Variants in KCNN2 observed in about 807,000 individuals in gnomAD.
The protein encoded by KCNN2 is potassium calcium-activated channel subfamily N member 2.
In KCNN2, 24 loss-of-function variants were observed where a neutral mutation model predicts 55.5. The observed-to-expected ratio is 0.43, with a 90% CI of 0.31 to 0.61. The LOEUF (loss-of-function observed/expected upper bound fraction) is 0.61. Ranked by LOEUF, KCNN2 falls within the 20% of genes least tolerant of loss-of-function variation. KCNN2 has a pLI of 0.08. For missense variants in KCNN2, 754 were observed against 853.6 expected (o/e 0.88, Z 1.45); for synonymous variants, 431 against 336.1 (o/e 1.28, Z -3.09).
chr5:114,154,234 G>A (rs375046505), intron 1 of KCNN2, among the ~76,000 whole-genome samples: 14 of 152,148 alleles, frequency 9.2e-5, no homozygotes, highest in Admixed American at 2.0e-4. Flanking sequence ...TAAAAAGAGA[G>A]CAAAGGGAAA....
chr5:114,378,356 G>C (rs933887228), intron 2 of KCNN2, among the ~76,000 whole-genome samples: 1 of 152,200 alleles, frequency 6.6e-6, no homozygotes, highest in African/African-American at 2.4e-5. Flanking sequence ...AGTTAGAGAA[G>C]TGGATGGTCA....
Position 114,478,381 on chromosome 5 carries a change from C to T in KCNN2, c.1890+5217C>T, listed in dbSNP as rs115651160. On this transcript the variant is annotated intron_variant, in intron 5 of 7. Coordinates refer to ENST00000673685, the MANE Select transcript of KCNN2 (RefSeq NM_021614.4). Reference sequence around the variant, plus strand: ...AATGAAAAAGAGTGAACAAAACCTCCGAGAATATGGGATTATGTAAAGAGA... The same window carrying T: ...AATGAAAAAGAGTGAACAAAACCTCTGAGAATATGGGATTATGTAAAGAGA... 2.8e-3 allele frequency among the ~76,000 whole-genome samples: 424 copies of T among 151,842 alleles called. 1 individual carries two copies. The highest frequency in any genetic ancestry group is 8.5e-3 in the African/African-American group (352 of 41,424).
chr5:114,419,571 C>T (rs915178566), intron 3 of KCNN2, among the ~76,000 whole-genome samples: 1 of 152,196 alleles, frequency 6.6e-6, no homozygotes. Flanking sequence ...ACTTTTGGTA[C>T]CAATGATCAA....
chr5:114,283,860 A>G (rs1045750994), intron 2 of KCNN2, among the ~76,000 whole-genome samples: 1 of 152,188 alleles, frequency 6.6e-6, no homozygotes, highest in Non-Finnish European at 1.5e-5. Flanking sequence ...TCCCTACCAC[A>G]TTAGAGTATA....
chr5:114,251,485 A>G lies in KCNN2; in HGVS notation c.-185+29920A>G, dbSNP rs1452943850. On this transcript the variant is annotated intron_variant, in intron 2 of 10. Coordinates refer to the KCNN2 transcript ENST00000512097. ...TTGTTTTAAGGATTCAGGAAAATAT[A>G]TAGTATGGTCCCTGGCACAAAGCAG... 2.0e-5 allele frequency among the ~76,000 whole-genome samples: 3 copies of G among 152,234 alleles called. No homozygotes were observed. The East Asian group carries it at 5.8e-4, about 29-fold the overall frequency.
chr5:114,392,806 GTTT>G (rs70976343), intron 2 of KCNN2, among the ~76,000 whole-genome samples: 7 of 140,540 alleles, frequency 5.0e-5, no homozygotes, highest in South Asian at 4.5e-4. Context: ...TTTTTGTGGG[GTTT>G]TTTTTTTTTT....
Position 114,376,006 on chromosome 5 carries a change from C to G in KCNN2, c.1218+12005C>G, listed in dbSNP as rs182459696. Among the ~76,000 whole-genome samples, 317 of 100,450 alleles carry G rather than the reference C, an allele frequency of 3.2e-3. 3 individuals are homozygous for G. The highest frequency in any genetic ancestry group is 0.011 in the African/African-American group (298 of 27,082). The allele number at this position is 100,450 out of a possible 152,430, so 65.9% of individuals were successfully genotyped here. A position where few individuals can be genotyped will look rare whatever the true frequency, so the allele number is the denominator to read the frequency against. On this transcript the variant is annotated intron_variant, in intron 2 of 7. Transcript: ENST00000673685. The stretch of plus-strand genomic sequence containing the variant: ...TTTTTTTCCTTTAGCATATCTATTT[C>G]ACACAATCTCTTTTAACCTTTTTGA...
chr5:114,292,553 C>G (rs1476260777), intron 2 of KCNN2, among the ~76,000 whole-genome samples: 1 of 152,112 alleles, frequency 6.6e-6, no homozygotes, highest in Middle Eastern at 3.2e-3. Context: ...TGGTCTATAT[C>G]TCTGTTTTGG....
intron 2 of KCNN2, among the ~76,000 whole-genome samples, chr5:114,325,664 G>C (rs1363191499): frequency 6.6e-6 from 1 of 152,176 alleles, no homozygotes; most frequent in African/African-American, 2.4e-5. Flanking sequence ...TTATCTAATG[G>C]AGTAAACTCC....
intron 1 of KCNN2, among the ~76,000 whole-genome samples, chr5:114,114,178 G>A (rs935655282): frequency 6.6e-6 from 1 of 152,052 alleles, no homozygotes. Context: ...AAGTTAAATT[G>A]ATGCAGACTC....
intron 2 of KCNN2, among the ~76,000 whole-genome samples, chr5:114,255,967 T>C (rs865927840): frequency 1.3e-5 from 2 of 152,118 alleles, no homozygotes. Flanking sequence ...TAGTGTATAT[T>C]GTACCCTAAT....
intron 3 of KCNN2, among the ~76,000 whole-genome samples, chr5:114,439,151 A>C (rs920531781): frequency 6.6e-6 from 1 of 152,208 alleles, no homozygotes; most frequent in Non-Finnish European, 1.5e-5. Context: ...ATGGACGCCC[A>C]TAGCTAAATG....
intron 1 of KCNN2, among the ~76,000 whole-genome samples, chr5:114,101,071 T>G (rs1751364500): frequency 6.6e-6 from 1 of 152,062 alleles, no homozygotes; most frequent in Non-Finnish European, 1.5e-5. Flanking sequence ...AACTTTTATT[T>G]CTTATGGTTG....
At chr5:114,333,288 G>A (rs1756860648) in intron 2 of KCNN2, among the ~76,000 whole-genome samples, 1 of 152,160 alleles carries the variant, frequency 6.6e-6, no homozygotes, top group South Asian at 2.1e-4. Flanking sequence ...AGACAATAAG[G>A]TTGATGTGAA....
chr5:114,097,801 A>T (rs977328981), intron 1 of KCNN2, among the ~76,000 whole-genome samples: 4 of 152,098 alleles, frequency 2.6e-5, no homozygotes, highest in Non-Finnish European at 5.9e-5. Context: ...ATTGGTAAGC[A>T]CCTTGTCCAC....
intron 1 of KCNN2, among the ~76,000 whole-genome samples, chr5:114,101,414 CTT>C (rs10545440): frequency 0.23 from 30,231 of 130,174 alleles, 3,358 homozygotes; most frequent in Admixed American, 0.3. Flanking sequence ...CTATGGTTTT[CTT>C]TTTTTTTTTT....
intron 1 of KCNN2, among the ~76,000 whole-genome samples, chr5:114,078,431 C>T (rs1362918296): frequency 1.3e-5 from 2 of 152,150 alleles, no homozygotes; most frequent in African/African-American, 4.8e-5. Context: ...CAGCGCCTGT[C>T]TTGTGTCATC....
intron 3 of KCNN2, 127 bp from the exon 4 acceptor site, chr5:114,462,922 C>T (rs975243131): frequency 6.9e-6 from 6 of 871,434 alleles, no homozygotes; most frequent in Middle Eastern, 2.5e-4. Context: ...TATTCACAAG[C>T]TTTGAAAACT....
chr5:114,153,226 C>G (rs1453914685), intron 1 of KCNN2, among the ~76,000 whole-genome samples: 1 of 152,142 alleles, frequency 6.6e-6, no homozygotes, highest in Non-Finnish European at 1.5e-5. Context: ...ACTGTTTTGA[C>G]AGTGAGGGTG....
Sources: allele counts gnomAD v4.1 joint callset (sites outside exome capture counted in the v4.1 genomes callset), GRCh38; gene constraint gnomAD v4.1.1; transcripts MANE v1.5; gene names NCBI Gene and HGNC (gene_info 2026-07-23, HGNC 2026-07-21).